Variants in SLC27A2 observed in about 807,000 individuals in gnomAD.
The protein encoded by SLC27A2 is solute carrier family 27 member 2.
In SLC27A2, 54 loss-of-function variants were observed where a neutral mutation model predicts 60.0. The ratio of observed to expected loss-of-function variants is 0.90; its 90% confidence interval spans 0.72 to 1.13. The LOEUF is 1.13. Among genes scored for constraint, SLC27A2 ranks in the 50% most tolerant of loss-of-function variants. The pLI is 0.00. For synonymous variants in SLC27A2, 297 were observed against 297.6 expected (o/e 1.00, Z 0.02); for missense variants, 739 against 777.6 (o/e 0.95, Z 0.59).
intron 4 of SLC27A2, among the ~76,000 whole-genome samples, chr15:50,207,705 G>A (rs1005469204): frequency 3.3e-5 from 5 of 150,976 alleles, no homozygotes; most frequent in African/African-American, 9.8e-5. Context: ...CAGGAGAGTC[G>A]CTTGAAAGCA....
At chr15:50,208,553 A>G (rs1026803695) in intron 4 of SLC27A2, among the ~76,000 whole-genome samples, 1 of 152,232 alleles carries the variant, frequency 6.6e-6, no homozygotes, top group East Asian at 1.9e-4. Flanking sequence ...ACATGTTGCC[A>G]TTATTATCAT....
Position 50,205,319 on chromosome 15 carries a change from C to A in SLC27A2, c.928C>A (p.Gln310Lys). ...CAGAAAATACAACGTCACTGTCATT[C>A]AGTATATCGGTGAACTGCTTCGGTA... ...DCRKYNVTVI[Q>K]YIGELLRYLC... The change falls in exon 4 of 10, where the codon CAG becomes AAG. Residue 310 changes from glutamine (Q) to lysine (K), a missense_variant. By Grantham distance (53) the Gln-to-Lys change is moderately conservative. Coordinates refer to ENST00000267842, the MANE Select transcript of SLC27A2 (RefSeq NM_003645.4). 1 of 1,611,016 alleles carries A rather than the reference C, an allele frequency of 6.2e-7. No individual in the cohort carries two copies. Among genetic ancestry groups the A allele is most frequent in the Non-Finnish European group, 8.5e-7 (1 of 1,178,092 alleles).
At chr15:50,219,927 G>T (rs919102985) in intron 4 of SLC27A2, among the ~76,000 whole-genome samples, 1 of 152,114 alleles carries the variant, frequency 6.6e-6, no homozygotes, top group Non-Finnish European at 1.5e-5. Flanking sequence ...CTAGAAATCA[G>T]TTCCTCTGAG....
chr15:50,202,719 T>G, intron 3 of SLC27A2, 74 bp downstream of exon 3: 1 of 1,508,326 alleles, frequency 6.6e-7, no homozygotes, highest in Non-Finnish European at 9.1e-7. Flanking sequence ...AATACAAAAT[T>G]TGGCTACGTT....
rs142582477 is a variant in SLC27A2 at position 50,197,593 on chromosome 15, T to C, written c.572T>C (p.Ile191Thr). Residue 191 changes from isoleucine (I) to threonine (T), a missense_variant, in exon 2 of 10, where the codon ATT (isoleucine) becomes ACT (threonine). Ile to Thr is a moderately conservative substitution (Grantham distance 89). Coordinates refer to ENST00000267842, the MANE Select transcript of SLC27A2 (RefSeq NM_003645.4). The part of the protein sequence containing the change: ...YVSRTSNTDG[I>T]DSFLDKVDEV... ...AGCAGAACTTCTAACACAGATGGGA[T>C]TGACTCTTTCCTGGACAAAGTGGAT... 103 of 1,613,906 alleles carry C rather than the reference T, an allele frequency of 6.4e-5. No individual in the cohort carries two copies. The highest frequency in any genetic ancestry group is 8.4e-5 in the Non-Finnish European group (99 of 1,179,936).
intron 4 of SLC27A2, among the ~76,000 whole-genome samples, chr15:50,212,271 T>C (rs1211415741): frequency 1.3e-5 from 2 of 152,100 alleles, no homozygotes; most frequent in East Asian, 1.9e-4. Flanking sequence ...TAAGGAAATA[T>C]GAACAAAGCC....
intron 1 of SLC27A2, among the ~76,000 whole-genome samples, chr15:50,191,303 G>T (rs761334652): frequency 6.6e-6 from 1 of 152,168 alleles, no homozygotes; most frequent in Non-Finnish European, 1.5e-5. Flanking sequence ...TAGGACTGAC[G>T]GACTCACTCT....
In SLC27A2 at chr15:50,191,059, G is replaced by A. The variant is rs373660465; in HGVS notation, c.479-6441G>A. The A allele has an allele frequency of 1.2e-4, 18 of 152,258 alleles. 1 individual carries two copies. In the East Asian group the frequency reaches 1.9e-3, roughly 16 times the overall value. 9.4% of individuals were successfully genotyped at this position (152,258 alleles called of 1,614,324 possible). On this transcript the variant is annotated intron_variant, in intron 1 of 9. Transcript: ENST00000267842. The stretch of plus-strand genomic sequence containing the variant: ...AGGAGGTGGGAACCTCAGAAGCCCA[G>A]AATGATTCTTTTCATTTTGCATGTG...
intron 1 of SLC27A2, among the ~76,000 whole-genome samples, chr15:50,195,326 AAC>A (rs1437425775): frequency 1.3e-5 from 2 of 150,364 alleles, no homozygotes; most frequent in African/African-American, 4.9e-5. Flanking sequence ...AAAAAAAAAA[AAC>A]AAAAACAAAC....
chr15:50,193,567 G>A (rs978811758), intron 1 of SLC27A2, among the ~76,000 whole-genome samples: 1 of 152,222 alleles, frequency 6.6e-6, no homozygotes, highest in African/African-American at 2.4e-5. Context: ...AGTAGGAGTT[G>A]TTGTTTTAAA....
chr15:50,219,506 T>G (rs2045228395), intron 4 of SLC27A2, among the ~76,000 whole-genome samples: 1 of 150,288 alleles, frequency 6.7e-6, no homozygotes, highest in Non-Finnish European at 1.5e-5. Flanking sequence ...GTGGACGCCC[T>G]CTCAAGTGCA....
Position 50,226,047 on chromosome 15 carries a change from T to C in SLC27A2, c.1227T>C (p.Asp409=). 1.2e-6 allele frequency: 2 copies of C among 1,611,552 alleles called. No homozygotes were observed. Among genetic ancestry groups the C allele is most frequent in the Non-Finnish European group, 1.7e-6 (2 of 1,177,642 alleles). The change falls in exon 6 of 10, where the codon GAT becomes GAC. Residue 409 remains aspartate, a synonymous_variant. Transcript: ENST00000267842. The part of the protein sequence containing the change: ...YDVEKDEPVR[D]ENGYCVRVPK... ...TGGAGAAAGATGAACCTGTCCGTGA[T>C]GAAAATGGATATTGCGTCAGAGTTC...
intron 4 of SLC27A2, 91 bp downstream of exon 4, chr15:50,205,454 A>T (rs971918921): frequency 1.2e-5 from 15 of 1,304,272 alleles, no homozygotes; most frequent in African/African-American, 2.9e-5. Flanking sequence ...ACTGATTTGC[A>T]TATATCAGTT....
chr15:50,196,998 T>C (rs1455298062), intron 1 of SLC27A2, among the ~76,000 whole-genome samples: 1 of 152,240 alleles, frequency 6.6e-6, no homozygotes, highest in Non-Finnish European at 1.5e-5. Flanking sequence ...GCCAAATTTA[T>C]TTCTGGAGTA....
intron 1 of SLC27A2, among the ~76,000 whole-genome samples, chr15:50,187,989 G>A (rs1450069505): frequency 1.3e-5 from 2 of 148,278 alleles, no homozygotes; most frequent in East Asian, 3.9e-4. Flanking sequence ...AAAAAAAGGA[G>A]AGAGAGTCCC....
intron 5 of SLC27A2, among the ~76,000 whole-genome samples, chr15:50,225,147 G>A (rs140660778): frequency 1.3e-5 from 2 of 152,178 alleles, no homozygotes; most frequent in African/African-American, 4.8e-5. Flanking sequence ...ACAAGTACTA[G>A]CTGTCTGCTA....
intron 4 of SLC27A2, among the ~76,000 whole-genome samples, chr15:50,216,751 GAT>G (rs1044009454): frequency 4.0e-4 from 54 of 136,170 alleles, no homozygotes; most frequent in African/African-American, 1.4e-3. Flanking sequence ...GGTTCCATAT[GAT>G]ATATATATAT....
intron 8 of SLC27A2, among the ~76,000 whole-genome samples, chr15:50,231,141 CTTTTTT>C (rs34060039): frequency 1.6e-5 from 2 of 128,602 alleles, no homozygotes; most frequent in Admixed American, 8.0e-5. Context: ...GAATTGTACA[CTTTTTT>C]TTTTTTTTTT....
At chr15:50,216,656 A>ATATATAT (rs2045199399) in intron 4 of SLC27A2, among the ~76,000 whole-genome samples, 1 of 115,662 alleles carries the variant, frequency 8.6e-6, no homozygotes, top group African/African-American at 3.2e-5. Context: ...ATATATATAT[A>ATATATAT]GTATAGTTTG....
Sources: allele counts gnomAD v4.1 joint callset (sites outside exome capture counted in the v4.1 genomes callset), GRCh38; gene constraint gnomAD v4.1.1; transcripts MANE v1.5; gene names NCBI Gene and HGNC (gene_info 2026-07-23, HGNC 2026-07-21).